LMO3: variants seen among roughly 807,000 people sequenced by gnomAD.
The protein encoded by LMO3 is LIM domain only 3.
In LMO3, 2 loss-of-function variants were observed where a neutral mutation model predicts 15.8. The ratio of observed to expected loss-of-function variants is 0.13; its 90% CI spans 0.05 to 0.40. The LOEUF (loss-of-function observed/expected upper bound fraction) is 0.40, where lower values mean the gene tolerates loss of function less well. Among genes scored for constraint, LMO3 ranks in the 10% least tolerant of loss-of-function variants. The probability of loss-of-function intolerance (pLI) is 0.99; values close to 1 mark genes in which losing one functional copy is unlikely to be tolerated. For missense variants in LMO3, 86 were observed against 182.2 expected (o/e 0.47, Z 3.04); for synonymous variants, 62 against 63.8 (o/e 0.97, Z 0.13).
At position 16,599,883 on chromosome 12, in the gene LMO3, TA is replaced by T. The variant is rs926983187; in HGVS notation, c.206+771del. ...GGTTGGAGAGTGGCTGTCATTTTCC[TA>T]TAATGATGGAGGTCTTTACTTTGTT... On this transcript the variant is annotated intron_variant, in intron 2 of 3. Coordinates refer to ENST00000537304, the MANE Select transcript of LMO3 (RefSeq NM_018640.5). The surrounding 1 kb of genome is among the most constrained non-coding windows in gnomAD (Gnocchi z 4.1). The T allele has an allele frequency of 6.6e-6, 1 of 152,192 alleles. No individual in the cohort carries two copies. The highest frequency in any genetic ancestry group is 2.4e-5 in the African/African-American group (1 of 41,462). The allele number at this position is 152,192 out of a possible 1,614,324, so 9.4% of individuals were successfully genotyped here.
At chr12:16,558,719 C>T (rs536812551) in intron 3 of LMO3, among the ~76,000 whole-genome samples, 82 of 152,206 alleles carry the variant, frequency 5.4e-4, no homozygotes, top group Non-Finnish European at 9.6e-4. Flanking sequence ...CATTAGGCAA[C>T]AATCTGAATA....
At position 16,549,252 on chromosome 12, in the gene LMO3, G is replaced by C. The variant is rs570462160; in HGVS notation, c.*1970C>G. On this transcript the variant is annotated 3_prime_UTR_variant, in exon 4 of 4. Transcript: ENST00000537304. ...TTTCTCTTCATGAAACAAGTGTAAG[G>C]CTCTAAGGCTAAAATAATAGTTATT... is the stretch of plus-strand genomic sequence containing the variant. 6.6e-6 allele frequency: 1 copy of C among 152,102 alleles called. No individual in the cohort carries two copies. Among genetic ancestry groups the C allele is most frequent in the Admixed American group, 6.6e-5 (1 of 15,264 alleles). 9.4% of individuals were successfully genotyped at this position (152,102 alleles called of 1,614,324 possible). A position where few individuals can be genotyped will look rare whatever the true frequency, so the allele number is the denominator to read the frequency against.
At chr12:16,556,637 A>G (rs772296271) in intron 3 of LMO3, among the ~76,000 whole-genome samples, 3 of 152,204 alleles carry the variant, frequency 2.0e-5, no homozygotes, top group Non-Finnish European at 4.4e-5. Context: ...GTTTCACTTG[A>G]AAAGTGCAAT....
intron 2 of LMO3, among the ~76,000 whole-genome samples, chr12:16,564,452 G>C (rs1942518614): frequency 6.6e-6 from 1 of 152,198 alleles, no homozygotes; most frequent in South Asian, 2.1e-4. Flanking sequence ...TAACGTTCCT[G>C]CGGACTGGGG....
Position 16,560,784 on chromosome 12 carries a change from A to C in LMO3, c.207-246T>G, listed in dbSNP as rs765873936. On this transcript the variant is annotated intron_variant, in intron 2 of 3. Transcript: ENST00000537304. The surrounding 1 kb of genome is among the most constrained non-coding windows in gnomAD (Gnocchi z 5.0). ...AAAAGACAAATACATTAGGAAGCTT[A>C]CGTAACTGCACATAAACAGAAGTCA... 3.9e-6 allele frequency: 2 copies of C among 518,642 alleles called. No homozygotes were observed. Among genetic ancestry groups the C allele is most frequent in the Non-Finnish European group, 7.2e-6 (2 of 278,952 alleles). 32.1% of individuals were successfully genotyped at this position (518,642 alleles called of 1,614,324 possible).
At chr12:16,588,972 T>G (rs1353875377) in intron 2 of LMO3, among the ~76,000 whole-genome samples, 1 of 152,028 alleles carries the variant, frequency 6.6e-6, no homozygotes, top group Non-Finnish European at 1.5e-5. Flanking sequence ...CCCTAACTAT[T>G]TTATGAATAG....
At chr12:16,580,522 C>A (rs1162430290) in intron 2 of LMO3, among the ~76,000 whole-genome samples, 1 of 152,078 alleles carries the variant, frequency 6.6e-6, no homozygotes, top group African/African-American at 2.4e-5. Context: ...TTTGGAAAAC[C>A]TTTGGAGGAC....
chr12:16,551,319 A>G lies in LMO3; in HGVS notation c.341T>C (p.Val114Ala), dbSNP rs769000907. Residue 114 changes from valine (V) to alanine (A), a missense_variant, in exon 4 of 4, where the codon GTT becomes GCT. This residue lies in a region of LMO3 where 51 missense variants were observed against 140.3 expected (regional missense o/e 0.36). Transcript: ENST00000537304. ...ACQLCNQRFC[V>A]GDKFFLKNNM... ...ATTCTTTAGGAAAAATTTGTCTCCA[A>G]CACAAAATCTGAAAATATTTTAAAC... 6.3e-7 allele frequency: 1 copy of G among 1,590,630 alleles called. No individual in the cohort carries two copies. The highest frequency in any genetic ancestry group is 8.6e-7 in the Non-Finnish European group (1 of 1,158,848).
intron 2 of LMO3, among the ~76,000 whole-genome samples, chr12:16,583,140 A>T (rs1943218101): frequency 6.6e-6 from 1 of 152,160 alleles, no homozygotes; most frequent in African/African-American, 2.4e-5. Context: ...CACTATTAAA[A>T]GAGAAGAGAG....
chr12:16,607,775 C>CT (rs1413258965), upstream of LMO3: 1 of 151,274 alleles, frequency 6.6e-6, no homozygotes, highest in African/African-American at 2.4e-5. Context: ...TCAAAGCACC[C>CT]CCCCCATGAG....
At chr12:16,564,076 T>A (rs1942501182) in intron 2 of LMO3, among the ~76,000 whole-genome samples, 1 of 152,208 alleles carries the variant, frequency 6.6e-6, no homozygotes, top group East Asian at 1.9e-4. Context: ...ACTATTAATA[T>A]CTGTAGAAAT....
At chr12:16,608,228 G>A (rs1439541104), upstream of LMO3, 1 of 144,728 alleles carries the variant, frequency 6.9e-6, no homozygotes, top group Non-Finnish European at 1.5e-5. This position sits in a 1 kb window ranked among gnomAD's most constrained non-coding sequence, Gnocchi z 4.1. Flanking sequence ...AAGAGGGAGG[G>A]AGGGAGGGAG....
In LMO3 at chr12:16,600,611, T is replaced by A. The variant is rs748123493; in HGVS notation, c.206+44A>T. On this transcript the variant is annotated intron_variant, in intron 2 of 3. Coordinates refer to ENST00000537304, the MANE Select transcript of LMO3 (RefSeq NM_018640.5). ...AAAAAATACACTTACAAAAGTACTT[T>A]AAAAGGCATCCAGTCATCACTGGTG... 5.9e-6 allele frequency: 9 copies of A among 1,530,108 alleles called. No individual in the cohort carries two copies. In the South Asian group the frequency reaches 9.0e-5, roughly 15 times the overall value. 94.8% of individuals were successfully genotyped at this position (1,530,108 alleles called of 1,614,324 possible).
intron 2 of LMO3, among the ~76,000 whole-genome samples, chr12:16,581,600 T>C (rs781736860): frequency 1.3e-5 from 2 of 152,234 alleles, no homozygotes; most frequent in African/African-American, 2.4e-5. Flanking sequence ...TTCTGTTGAC[T>C]TTCTTTCACA....
intron 2 of LMO3, chr12:16,600,396 A>C: frequency 2.7e-6 from 1 of 373,440 alleles, no homozygotes; most frequent in Non-Finnish European, 4.8e-6. Flanking sequence ...GGCAGTTTCA[A>C]CATAGGCAGC....
intron 2 of LMO3, among the ~76,000 whole-genome samples, chr12:16,570,878 C>T (rs1278450470): frequency 1.3e-5 from 2 of 152,156 alleles, no homozygotes; most frequent in Non-Finnish European, 2.9e-5. Context: ...TCAAACATTT[C>T]TTCTAGGGTT....
chr12:16,601,325 G>T (rs1030941532), intron 1 of LMO3, among the ~76,000 whole-genome samples: 4 of 152,172 alleles, frequency 2.6e-5, no homozygotes. Context: ...TGTGCTTGAT[G>T]GTGGAAGGAG....
chr12:16,584,973 C>T lies in LMO3; in HGVS notation c.206+15682G>A, dbSNP rs576729966. Among the ~76,000 whole-genome samples the T allele has an allele frequency of 4.1e-4, 62 of 152,352 alleles. No individual in the cohort carries two copies. Among genetic ancestry groups the T allele is most frequent in the African/African-American group, 1.4e-3 (60 of 41,582 alleles). On this transcript the variant is annotated intron_variant, in intron 2 of 3. Coordinates refer to ENST00000537304, the MANE Select transcript of LMO3 (RefSeq NM_018640.5). This position sits in a 1 kb window ranked among gnomAD's most constrained non-coding sequence, Gnocchi z 5.2. Reference sequence around the variant, plus strand: ...TTTTATGATTCTGACCAAAAAGTTACATACTAGTAGCTGTGTGCCACATTA... The same window carrying T: ...TTTTATGATTCTGACCAAAAAGTTATATACTAGTAGCTGTGTGCCACATTA...
chr12:16,565,044 C>G (rs1942548805), intron 2 of LMO3, among the ~76,000 whole-genome samples: 1 of 152,130 alleles, frequency 6.6e-6, no homozygotes, highest in South Asian at 2.1e-4. Flanking sequence ...CCCAACTTGG[C>G]CTCCCAAAGT....
Sources: gnomAD v4.1 joint callset for allele counts (sites outside exome capture counted in the v4.1 genomes callset) on GRCh38, gnomAD v4.1.1 for gene constraint, gnomAD v4.1.1 regional missense constraint, Gnocchi (gnomAD v3.1) non-coding constraint, MANE v1.5 for transcripts, NCBI Gene and HGNC (gene_info 2026-07-23, HGNC 2026-07-21) for gene names.